RPSA2: variants seen among roughly 807,000 people sequenced by gnomAD.
RPSA2 encodes the protein ribosomal protein SA 2, also known as small ribosomal subunit protein uS2B.
At chr19:23,844,400 C>A in the RPSA2 span, among the ~76,000 whole-genome samples, 9 of 152,044 alleles carry the variant, frequency 5.9e-5, no homozygotes, top group African/African-American at 2.2e-4. Context: ...TGGGTAGATA[C>A]CCAATGGTGA....
At chr19:23,766,837 C>G in the RPSA2 span, among the ~76,000 whole-genome samples, 1 of 151,236 alleles carries the variant, frequency 6.6e-6, no homozygotes, top group East Asian at 2.0e-4. Context: ...TGGCTCACTA[C>G]AATCTTCACC....
the RPSA2 span, chr19:23,843,340 A>G: frequency 6.3e-6 from 1 of 157,662 alleles, no homozygotes. Flanking sequence ...AGAATTCCAG[A>G]CCTTAAAATG....
the RPSA2 span, among the ~76,000 whole-genome samples, chr19:23,763,725 C>G: frequency 3.1e-4 from 47 of 152,138 alleles, no homozygotes; most frequent in Admixed American, 3.0e-3. Flanking sequence ...CCTTGGCCCC[C>G]CAAAGTGCTA....
At chr19:23,836,906 T>A in the RPSA2 span, among the ~76,000 whole-genome samples, 1 of 152,212 alleles carries the variant, frequency 6.6e-6, no homozygotes, top group East Asian at 1.9e-4. Context: ...GTATAGATTG[T>A]AAAGATTTTC....
chr19:23,820,359 C>T, the RPSA2 span, among the ~76,000 whole-genome samples: 1 of 152,220 alleles, frequency 6.6e-6, no homozygotes, highest in Non-Finnish European at 1.5e-5. Context: ...GATGGCTAGT[C>T]TCACATTAGA....
the RPSA2 span, among the ~76,000 whole-genome samples, chr19:23,841,363 C>G: frequency 6.6e-6 from 1 of 152,036 alleles, no homozygotes; most frequent in Non-Finnish European, 1.5e-5. Context: ...ACTCGGGAGG[C>G]TAAGGCAGGA....
the RPSA2 span, among the ~76,000 whole-genome samples, chr19:23,780,448 C>A: frequency 6.6e-6 from 1 of 152,056 alleles, no homozygotes; most frequent in Non-Finnish European, 1.5e-5. Flanking sequence ...TCGAGACCAT[C>A]CTGGCTAACG....
At chr19:23,839,465 A>G in the RPSA2 span, among the ~76,000 whole-genome samples, 2 of 152,122 alleles carry the variant, frequency 1.3e-5, no homozygotes, top group African/African-American at 2.4e-5. Context: ...CACCCCTCAC[A>G]ACAGCCCCAA....
the RPSA2 span, among the ~76,000 whole-genome samples, chr19:23,867,571 C>A: frequency 6.6e-6 from 1 of 152,180 alleles, no homozygotes; most frequent in Non-Finnish European, 1.5e-5. Flanking sequence ...TGGCTCACGC[C>A]TGTAATCCCA....
the RPSA2 span, among the ~76,000 whole-genome samples, chr19:23,833,780 G>A: frequency 1.3e-5 from 2 of 152,140 alleles, no homozygotes; most frequent in East Asian, 1.9e-4. Flanking sequence ...GTGCAGAAGA[G>A]TATTTACTTT....
the RPSA2 span, among the ~76,000 whole-genome samples, chr19:23,804,463 A>AT: frequency 0.98 from 147,466 of 150,930 alleles, 72,146 homozygotes; most frequent in Middle Eastern, 1. Context: ...CACCCGGCTA[A>AT]TTTTTGTATT....
chr19:23,865,178 G>T, the RPSA2 span, among the ~76,000 whole-genome samples: 2 of 152,182 alleles, frequency 1.3e-5, no homozygotes, highest in African/African-American at 4.8e-5. Flanking sequence ...TGGATATAAG[G>T]TCAGTGCTCT....
the RPSA2 span, among the ~76,000 whole-genome samples, chr19:23,870,700 TC>T: frequency 1.3e-5 from 2 of 152,184 alleles, no homozygotes; most frequent in Admixed American, 1.3e-4. Flanking sequence ...TGTTTCCTGC[TC>T]ATAGCCTGTA....
chr19:23,829,479 T>G, the RPSA2 span, among the ~76,000 whole-genome samples: 4 of 152,164 alleles, frequency 2.6e-5, no homozygotes, highest in Non-Finnish European at 5.9e-5. Context: ...TTTTGTATTT[T>G]TAGTAGATAT....
chr19:23,791,119 G>A, the RPSA2 span, among the ~76,000 whole-genome samples: 1 of 152,116 alleles, frequency 6.6e-6, no homozygotes, highest in African/African-American at 2.4e-5. Context: ...AAATGTATGG[G>A]TGTCACAATG....
the RPSA2 span, among the ~76,000 whole-genome samples, chr19:23,789,331 TAG>T: frequency 6.6e-6 from 1 of 152,112 alleles, no homozygotes; most frequent in Non-Finnish European, 1.5e-5. Flanking sequence ...CTTATAGAAA[TAG>T]ATTTTAATGC....
the RPSA2 span, among the ~76,000 whole-genome samples, chr19:23,863,383 G>A: frequency 3.3e-5 from 5 of 152,154 alleles, no homozygotes; most frequent in South Asian, 6.2e-4. Flanking sequence ...GGCCAACATG[G>A]TGAAACCCTA....
At chr19:23,770,585 T>G in the RPSA2 span, among the ~76,000 whole-genome samples, 1 of 152,352 alleles carries the variant, frequency 6.6e-6, no homozygotes, top group South Asian at 2.1e-4. Flanking sequence ...ATTCATTATC[T>G]AGGAGATTTA....
the RPSA2 span, among the ~76,000 whole-genome samples, chr19:23,831,410 A>G: frequency 6.6e-6 from 1 of 152,050 alleles, no homozygotes. Context: ...TAAATTTTTT[A>G]CAGATGTATT....
Sources: allele counts gnomAD v4.1 joint callset (sites outside exome capture counted in the v4.1 genomes callset), GRCh38; gene constraint gnomAD v4.1.1; transcripts MANE v1.5; gene names NCBI Gene and HGNC (gene_info 2026-07-23, HGNC 2026-07-21).